LCLAT1: variants seen among roughly 807,000 people sequenced by gnomAD.
The protein encoded by LCLAT1 is 1-AGP acyltransferase 8.
Under a neutral mutation model 30.7 loss-of-function variants are expected in LCLAT1, and 11 were observed. That is an observed-to-expected ratio of 0.36 (90% confidence interval 0.23 to 0.59). The LOEUF is 0.59. Among genes scored for constraint, LCLAT1 ranks in the 20% least tolerant of loss-of-function variants. The pLI, the probability that LCLAT1 is intolerant of heterozygous loss-of-function variation, is 0.77. For missense variants in LCLAT1, 402 were observed against 458.6 expected (o/e 0.88, Z 1.13); for synonymous variants, 155 against 151.3 (o/e 1.02, Z -0.18).
intron 1 of LCLAT1, among the ~76,000 whole-genome samples, chr2:30,479,183 A>T (rs527697418): frequency 6.6e-6 from 1 of 152,272 alleles, no homozygotes; most frequent in African/African-American, 2.4e-5. Flanking sequence ...TGTTGAATAA[A>T]AGCAGCCAGA....
At chr2:30,595,270 T>C (rs879297520) in intron 5 of LCLAT1, among the ~76,000 whole-genome samples, 66 of 151,998 alleles carry the variant, frequency 4.3e-4, no homozygotes, top group Non-Finnish European at 1.5e-4. Flanking sequence ...GGTTTTTTTT[T>C]CCCCCATTCC....
chr2:30,535,824 A>G (rs1686215070), intron 3 of LCLAT1, among the ~76,000 whole-genome samples: 1 of 152,152 alleles, frequency 6.6e-6, no homozygotes, highest in Non-Finnish European at 1.5e-5. Flanking sequence ...AAGTAAAGGA[A>G]GCCTATCAAA....
At chr2:30,598,024 G>C (rs1022724667) in intron 5 of LCLAT1, among the ~76,000 whole-genome samples, 2 of 152,166 alleles carry the variant, frequency 1.3e-5, no homozygotes, top group Admixed American at 1.3e-4. Flanking sequence ...TTTTTGATAG[G>C]CTGCTGGTTT....
intron 1 of LCLAT1, among the ~76,000 whole-genome samples, chr2:30,502,781 A>G (rs1028407741): frequency 3.3e-5 from 5 of 151,980 alleles, no homozygotes; most frequent in African/African-American, 7.3e-5. Context: ...AGTGAAGTCT[A>G]TTTGGGTTGT....
chr2:30,600,597 T>TAAGAATGTTG (rs1400566509), intron 5 of LCLAT1, among the ~76,000 whole-genome samples: 5 of 139,054 alleles, frequency 3.6e-5, no homozygotes, highest in Non-Finnish European at 6.2e-5. Flanking sequence ...TTCTTTTCTT[T>TAAGAATGTTG]AAGAATGTTG....
At chr2:30,490,569 C>T (rs959027658) in intron 1 of LCLAT1, among the ~76,000 whole-genome samples, 1 of 152,136 alleles carries the variant, frequency 6.6e-6, no homozygotes, top group African/African-American at 2.4e-5. Flanking sequence ...CCTGGTAACT[C>T]TTACAATACA....
intron 1 of LCLAT1, among the ~76,000 whole-genome samples, chr2:30,479,699 G>T (rs772786541): frequency 6.6e-6 from 1 of 152,150 alleles, no homozygotes; most frequent in Non-Finnish European, 1.5e-5. Context: ...ACTCTGTCTC[G>T]ATCTGGATAC....
chr2:30,575,978 T>C (rs1169669922), intron 5 of LCLAT1, among the ~76,000 whole-genome samples: 3 of 152,192 alleles, frequency 2.0e-5, no homozygotes, highest in Admixed American at 1.3e-4. Flanking sequence ...TTATAATTAC[T>C]GCGTGTCTTA....
intron 3 of LCLAT1, among the ~76,000 whole-genome samples, chr2:30,549,316 A>T (rs943183360): frequency 6.6e-6 from 1 of 152,220 alleles, no homozygotes; most frequent in Admixed American, 6.5e-5. Context: ...ACATTGCGTT[A>T]GGCTGCTAGA....
chr2:30,553,744 A>G (rs974298043), intron 3 of LCLAT1, among the ~76,000 whole-genome samples: 1 of 151,922 alleles, frequency 6.6e-6, no homozygotes, highest in Non-Finnish European at 1.5e-5. Context: ...GAACCCGGGA[A>G]GCGGAGCTTG....
chr2:30,453,167 C>T (rs1273327339), intron 1 of LCLAT1, among the ~76,000 whole-genome samples: 1 of 152,132 alleles, frequency 6.6e-6, no homozygotes, highest in Admixed American at 6.5e-5. Flanking sequence ...CTCGGGAGAA[C>T]TCATGGAGCG....
rs768460224 is a variant in LCLAT1 at position 30,459,688 on chromosome 2, A to G, written c.-5+12305A>G. ...TAACGAGGCAGTTTCTAGCTACTGCACGTACTTCATAAAGCAGGACTCTAA... is the reference window on the plus strand; with the variant it reads ...TAACGAGGCAGTTTCTAGCTACTGCGCGTACTTCATAAAGCAGGACTCTAA... On this transcript the variant is annotated intron_variant, in intron 1 of 5. Transcript: ENST00000379509. The G allele has an allele frequency of 7.4e-5, 120 of 1,613,982 alleles. 1 individual carries two copies. In the South Asian group the frequency reaches 1.3e-3, roughly 17 times the overall value.
intron 1 of LCLAT1, among the ~76,000 whole-genome samples, chr2:30,489,546 G>A (rs180967653): frequency 2.9e-4 from 44 of 152,206 alleles, no homozygotes; most frequent in African/African-American, 9.9e-4. Flanking sequence ...TAGAGACAGC[G>A]TTTCACCATG....
At chr2:30,496,699 A>G (rs1169987932) in intron 1 of LCLAT1, among the ~76,000 whole-genome samples, 2 of 148,210 alleles carry the variant, frequency 1.3e-5, no homozygotes, top group Non-Finnish European at 2.9e-5. Flanking sequence ...CTCCCTCTCT[A>G]GAGTTATAAA....
intron 3 of LCLAT1, among the ~76,000 whole-genome samples, chr2:30,556,260 A>G (rs1664914067): frequency 6.6e-6 from 1 of 152,180 alleles, no homozygotes; most frequent in African/African-American, 2.4e-5. Flanking sequence ...TTATAAATAA[A>G]CACTGAAATT....
chr2:30,490,057 G>A (rs1217929276), intron 1 of LCLAT1, among the ~76,000 whole-genome samples: 1 of 152,164 alleles, frequency 6.6e-6, no homozygotes, highest in Non-Finnish European at 1.5e-5. Context: ...ACCCCTTGGT[G>A]TGTAGGTACT....
intron 1 of LCLAT1, among the ~76,000 whole-genome samples, chr2:30,467,300 T>C (rs1682496802): frequency 6.6e-6 from 1 of 152,234 alleles, no homozygotes; most frequent in South Asian, 2.1e-4. Context: ...TAGTATTCCA[T>C]GGTGTATATG....
intron 1 of LCLAT1, among the ~76,000 whole-genome samples, chr2:30,496,653 A>G (rs1684132580): frequency 6.6e-6 from 1 of 152,238 alleles, no homozygotes; most frequent in Non-Finnish European, 1.5e-5. Context: ...AATGTGTCAT[A>G]TGCAGATGCA....
intron 1 of LCLAT1, among the ~76,000 whole-genome samples, chr2:30,505,493 T>G (rs829658): frequency 0.22 from 33,931 of 152,092 alleles, 3,885 homozygotes; most frequent in East Asian, 0.35. Flanking sequence ...AGATGATTTA[T>G]AAAATATTCA....
Sources: allele counts gnomAD v4.1 joint callset (sites outside exome capture counted in the v4.1 genomes callset), GRCh38; gene constraint gnomAD v4.1.1; transcripts MANE v1.5; gene names NCBI Gene and HGNC (gene_info 2026-07-23, HGNC 2026-07-21).